DNAH12: variants seen among roughly 807,000 people sequenced by gnomAD.
DNAH12 encodes the protein axonemal beta dynein heavy chain 12.
Under a neutral mutation model 371.5 loss-of-function variants are expected in DNAH12, and 285 were observed. The observed-to-expected ratio is 0.77, with a 90% CI of 0.70 to 0.85. The LOEUF is 0.85. DNAH12 is among the 40% of genes least tolerant of loss of function. The pLI is 0.00. For missense variants in DNAH12, 3,611 were observed against 3,689.4 expected, an observed-to-expected ratio of 0.98 and a Z score of 0.55; for synonymous variants, 1,200 against 1,213.0, an observed-to-expected ratio of 0.99 and a Z score of 0.22.
intron 45 of DNAH12, among the ~76,000 whole-genome samples, chr3:57,390,420 A>ATATATATATATAT (rs1294811064): frequency 7.0e-4 from 21 of 30,034 alleles, no homozygotes; most frequent in African/African-American, 1.3e-3. Context: ...AAAAAAAAAA[A>ATATATATATATAT]AAAAATATAT....
chr3:57,494,342 C>T (rs1284150957), intron 11 of DNAH12, among the ~76,000 whole-genome samples: 4 of 152,030 alleles, frequency 2.6e-5, no homozygotes, highest in Non-Finnish European at 4.4e-5. Context: ...TATTTGAGCC[C>T]AGGAGTTTGA....
intron 25 of DNAH12, among the ~76,000 whole-genome samples, chr3:57,451,751 CAGGTGATGGTCAGGTGTTGTT>C (rs2065763056): frequency 6.6e-6 from 1 of 152,192 alleles, no homozygotes; most frequent in Admixed American, 6.5e-5. Flanking sequence ...CGGTGACCAT[CAGGTGATGGTCAGGTGTTGTT>C]AACTGTCTCT....
intron 44 of DNAH12, among the ~76,000 whole-genome samples, chr3:57,392,497 G>T (rs2063646006): frequency 6.6e-6 from 1 of 152,036 alleles, no homozygotes. Context: ...GGAGGCTGAG[G>T]TAAGAGCCCA....
At chr3:57,482,632 T>C (rs545927442) in intron 13 of DNAH12, among the ~76,000 whole-genome samples, 65 of 152,222 alleles carry the variant, frequency 4.3e-4, no homozygotes, top group African/African-American at 1.3e-3. Context: ...CGTATGTTTA[T>C]TGCAGCACTA....
At chr3:57,406,031 A>G (rs2064014829) in intron 40 of DNAH12, 79 bp from the exon 41 acceptor site, 1 of 1,374,414 alleles carries the variant, frequency 7.3e-7, no homozygotes, top group Non-Finnish European at 9.8e-7. Context: ...AATGTTATAC[A>G]AAATATTTTA....
At chr3:57,389,818 G>GTATA (rs1161959846) in intron 45 of DNAH12, among the ~76,000 whole-genome samples, 3 of 66,848 alleles carry the variant, frequency 4.5e-5, no homozygotes, top group African/African-American at 1.1e-4. Context: ...GTGTGTGTGT[G>GTATA]TGTGTATATA....
At chr3:57,504,269 A>ACTGATTATAATTGTCTATAT in intron 8 of DNAH12, 65 bp from the exon 9 acceptor site, 1 of 1,385,664 alleles carries the variant, frequency 7.2e-7, no homozygotes, top group South Asian at 1.4e-5. Context: ...AAATCAGTAA[A>ACTGATTATAATTGTCTATAT]CTGATTATAA....
intron 69 of DNAH12, 118 bp from the exon 70 acceptor site, chr3:57,302,057 T>A: frequency 9.7e-7 from 1 of 1,029,348 alleles, no homozygotes; most frequent in Non-Finnish European, 1.4e-6. Context: ...CCAAAATGTG[T>A]CACCTCCCAT....
At chr3:57,317,984 A>G (rs1251391382) in intron 65 of DNAH12, among the ~76,000 whole-genome samples, 2 of 152,110 alleles carry the variant, frequency 1.3e-5, no homozygotes, top group African/African-American at 4.8e-5. Context: ...ATGTCTATTC[A>G]AACCTTTAGC....
chr3:57,533,773 A>G (rs984926814), intron 2 of DNAH12, among the ~76,000 whole-genome samples: 11 of 152,162 alleles, frequency 7.2e-5, no homozygotes, highest in African/African-American at 2.7e-4. Flanking sequence ...TTCATGCGGA[A>G]GGAAGGGTCT....
intron 71 of DNAH12, 86 bp downstream of exon 71, chr3:57,296,761 C>A (rs1216177688): frequency 3.5e-6 from 5 of 1,413,936 alleles, no homozygotes; most frequent in Non-Finnish European, 4.7e-6. Context: ...AGTAAAATTG[C>A]TTACAATGGG....
chr3:57,295,438 A>G (rs1379239702), intron 73 of DNAH12, 87 bp downstream of exon 73: 6 of 1,084,614 alleles, frequency 5.5e-6, no homozygotes, highest in Non-Finnish European at 7.9e-6. Context: ...AAAAGGTTTG[A>G]GCAAAAACTT....
chr3:57,396,023 A>T (rs984361358), intron 43 of DNAH12, among the ~76,000 whole-genome samples: 1 of 152,014 alleles, frequency 6.6e-6, no homozygotes, highest in African/African-American at 2.4e-5. Flanking sequence ...TCAGGCCTGT[A>T]ATCCCAGCAG....
At position 57,475,532 on chromosome 3, in the gene DNAH12, T is replaced by C. The variant is rs558816322; in HGVS notation, c.1651-2861A>G. Reference sequence around the variant, plus strand: ...CTACATTGAACTGTATACTTAAAAATGGTTAAAATGGTAAATTTTGTGTTA... The same window carrying C: ...CTACATTGAACTGTATACTTAAAAACGGTTAAAATGGTAAATTTTGTGTTA... On this transcript the variant is annotated intron_variant, in intron 13 of 73. Transcript: ENST00000495027. Among the ~76,000 whole-genome samples, 8 of 152,284 alleles carry C rather than the reference T, an allele frequency of 5.3e-5. No homozygotes were observed. The South Asian group carries it at 1.7e-3, about 32-fold the overall frequency.
intron 42 of DNAH12, 59 bp downstream of exon 42, chr3:57,404,910 C>T (rs2063978576): frequency 7.2e-7 from 1 of 1,389,506 alleles, no homozygotes; most frequent in Middle Eastern, 2.1e-4. Context: ...ACATTTCAAA[C>T]ATTTCATAAT....
intron 27 of DNAH12, 86 bp from the exon 28 acceptor site, chr3:57,445,505 G>C: frequency 8.4e-7 from 1 of 1,184,826 alleles, no homozygotes; most frequent in Non-Finnish European, 1.1e-6. Flanking sequence ...GTGTGGTGTT[G>C]TCAAGTTTAT....
chr3:57,417,643 T>C lies in DNAH12; in HGVS notation c.5714+1724A>G, dbSNP rs539063177. On this transcript the variant is annotated intron_variant, in intron 37 of 73. Transcript: ENST00000495027. ...ATTGTATGAATAGTACCTGTGTCTT[T>C]GTCACCAGTAGAAATCATAGCTATT... Among the ~76,000 whole-genome samples, 13 of 152,326 alleles carry C rather than the reference T, an allele frequency of 8.5e-5. 1 individual carries two copies. The South Asian group carries it at 1.9e-3, about 22-fold the overall frequency.
rs1473950623 is a variant in DNAH12, at chr3:57,375,978, C to T, written c.8466-13G>A. On this transcript the variant is annotated splice_polypyrimidine_tract_variant and intron_variant, in intron 53 of 73. Coordinates refer to ENST00000495027, the MANE Select transcript of DNAH12 (RefSeq NM_001366028.2). ...AGCTTGGGCCCATCTGTGCCATCAACCAAAGGCAAAACAGATTTACAACAG... is the reference window on the plus strand; with the variant it reads ...AGCTTGGGCCCATCTGTGCCATCAATCAAAGGCAAAACAGATTTACAACAG... 6.6e-6 allele frequency: 1 copy of T among 152,008 alleles called. No homozygotes were observed. The highest frequency in any genetic ancestry group is 1.9e-4 in the East Asian group (1 of 5,198). 9.4% of individuals were successfully genotyped at this position (152,008 alleles called of 1,614,324 possible). A position where few individuals can be genotyped will look rare whatever the true frequency, so the allele number is the denominator to read the frequency against.
In DNAH12 at chr3:57,471,463, T is replaced by G. The variant is rs1205728142; in HGVS notation, c.1911+9A>C. 4 of 1,534,230 alleles carry G rather than the reference T, an allele frequency of 2.6e-6. No homozygotes were observed. The African/African-American group carries it at 4.2e-5, about 16-fold the overall frequency. On this transcript the variant is annotated intron_variant, in intron 15 of 73. Transcript: ENST00000495027. ...TGGCCATAGCTATTGTCTCATATAT[T>G]TATCAGACCTGTTGCATGCGCTCCA... is the stretch of plus-strand genomic sequence containing the variant.
Sources: allele counts gnomAD v4.1 joint callset (sites outside exome capture counted in the v4.1 genomes callset), GRCh38; gene constraint gnomAD v4.1.1; transcripts MANE v1.5; gene names NCBI Gene and HGNC (gene_info 2026-07-23, HGNC 2026-07-21).